The following MLC1 variants were observed in gnomAD, a reference collection of about 807,000 sequenced individuals.
MLC1 encodes the protein membrane protein MLC1.
A neutral mutation model predicts 44.7 loss-of-function variants in MLC1; 32 were observed. The ratio of observed to expected loss-of-function variants is 0.72; its 90% CI spans 0.54 to 0.96. The LOEUF is 0.96. Among genes scored for constraint, MLC1 ranks in the 40% least tolerant of loss-of-function variants. MLC1 has a pLI of 0.00. For missense variants in MLC1, 459 were observed against 492.2 expected, an observed-to-expected ratio of 0.93 and a Z score of 0.64; for synonymous variants, 190 against 213.0, an observed-to-expected ratio of 0.89 and a Z score of 0.94.
intron 3 of MLC1, among the ~76,000 whole-genome samples, chr22:50,081,266 C>A (rs1267228219): frequency 6.6e-6 from 1 of 152,012 alleles, no homozygotes. Context: ...TTGCTTGAAC[C>A]CAGGAGGTGG....
chr22:50,070,501 C>A, intron 9 of MLC1, 26 bp downstream of exon 9: 1 of 1,551,830 alleles, frequency 6.4e-7, no homozygotes, highest in Non-Finnish European at 8.7e-7. Context: ...GGGTCCCTGG[C>A]ACCCAGGGCT....
rs368116122 is a variant in MLC1, at chr22:50,068,571, G to C, written c.772-16C>G. 6.2e-7 allele frequency: 1 copy of C among 1,612,500 alleles called. No homozygotes were observed. Among genetic ancestry groups the C allele is most frequent in the Non-Finnish European group, 8.5e-7 (1 of 1,179,344 alleles). ...GGACCTCCACCTGGAAAAAAAGCGC[G>C]GGTTGCAGGACCACGGCCGGAGCCT... On this transcript the variant is annotated splice_polypyrimidine_tract_variant and intron_variant, in intron 9 of 11. Transcript: ENST00000311597.
chr22:50,061,860 T>TC (rs921289678), intron 11 of MLC1, among the ~76,000 whole-genome samples: 127 of 151,010 alleles, frequency 8.4e-4, no homozygotes, highest in Non-Finnish European at 1.5e-3. Context: ...AACGCCTGCA[T>TC]CCCCCCCCGC....
chr22:50,062,586 G>C (rs1314446154), intron 11 of MLC1, among the ~76,000 whole-genome samples: 2 of 152,396 alleles, frequency 1.3e-5, no homozygotes, highest in African/African-American at 2.4e-5. Flanking sequence ...CCAAGGGCAA[G>C]AGAGCGTCCT....
chr22:50,081,840 C>T lies in MLC1; in HGVS notation c.267+1244G>A, dbSNP rs527306338. ...GCGGGGGTGGGCACTTGCCCATATC[C>T]GGCAGCCGCTGAGGCTGAAGGGGCA... On this transcript the variant is annotated intron_variant, in intron 3 of 11. Coordinates refer to ENST00000311597, the MANE Select transcript of MLC1 (RefSeq NM_015166.4). Among the ~76,000 whole-genome samples the T allele has an allele frequency of 6.6e-5, 10 of 152,354 alleles. No individual in the cohort carries two copies. The East Asian group carries it at 1.5e-3, about 24-fold the overall frequency.
intron 7 of MLC1, 128 bp downstream of exon 7, chr22:50,076,713 C>A: frequency 1.1e-6 from 1 of 910,364 alleles, no homozygotes; most frequent in South Asian, 1.4e-5. Flanking sequence ...ACAGATGAGG[C>A]GCACGCCGCC....
chr22:50,065,047 C>T (rs1453254417), intron 10 of MLC1, among the ~76,000 whole-genome samples: 1 of 152,150 alleles, frequency 6.6e-6, no homozygotes, highest in Non-Finnish European at 1.5e-5. Context: ...GCCTCAACCT[C>T]GCCAGTAGCT....
chr22:50,074,551 G>T, intron 7 of MLC1: 1 of 580,864 alleles, frequency 1.7e-6, no homozygotes, highest in Non-Finnish European at 3.1e-6. Flanking sequence ...GAGTAAAATA[G>T]CCAAAGAGGT....
intron 4 of MLC1, 147 bp from the exon 5 acceptor site, chr22:50,080,166 C>G (rs901656736): frequency 1.8e-6 from 2 of 1,082,888 alleles, no homozygotes; most frequent in East Asian, 2.6e-5. Flanking sequence ...CCGCTCTCCC[C>G]TCTGTGCGGC....
chr22:50,084,915 C>T lies in MLC1; in HGVS notation c.-13G>A, dbSNP rs2062244127. On this transcript the variant is annotated 5_prime_UTR_variant, in exon 2 of 12. Transcript: ENST00000311597. ...GCTCCTGGGTCATGGCACTTGGGGA[C>T]ACCACAGCTGTGCTGAATGTACAGC... 2 of 1,609,900 alleles carry T rather than the reference C, an allele frequency of 1.2e-6. No individual in the cohort carries two copies. Among genetic ancestry groups the T allele is most frequent in the Non-Finnish European group, 1.7e-6 (2 of 1,179,998 alleles).
chr22:50,061,765 T>C, intron 11 of MLC1, 108 bp from the exon 12 acceptor site: 1 of 1,025,070 alleles, frequency 9.8e-7, no homozygotes, highest in Non-Finnish European at 1.5e-6. Flanking sequence ...TCAGAAGTTT[T>C]CTTCGAATGT....
At chr22:50,082,867 G>A (rs949419859) in intron 3 of MLC1, among the ~76,000 whole-genome samples, 1 of 152,126 alleles carries the variant, frequency 6.6e-6, no homozygotes, top group Admixed American at 6.5e-5. Context: ...GTTTGTCCAT[G>A]TTGGTCAGAC....
chr22:50,080,480 G>A (rs761335250), intron 3 of MLC1, 83 bp from the exon 4 acceptor site: 7 of 1,389,626 alleles, frequency 5.0e-6, no homozygotes, highest in Non-Finnish European at 7.0e-6. Flanking sequence ...TGCGCTTCCA[G>A]AAGGATCTGA....
chr22:50,067,404 C>T (rs1361595663), intron 10 of MLC1, among the ~76,000 whole-genome samples: 1 of 142,972 alleles, frequency 7.0e-6, no homozygotes, highest in Non-Finnish European at 1.5e-5. Context: ...TGACTCCATC[C>T]CCCGTCAGGC....
rs11912804 is a variant in MLC1 at position 50,061,094 on chromosome 22, G to T, written c.*489C>A. 2.1e-3 allele frequency: 393 copies of T among 191,612 alleles called. 1 individual carries two copies. Among genetic ancestry groups the T allele is most frequent in the African/African-American group, 8.8e-3 (379 of 43,294 alleles). The allele number at this position is 191,612 out of a possible 1,614,324, so 11.9% of individuals were successfully genotyped here. On this transcript the variant is annotated 3_prime_UTR_variant, in exon 12 of 12. Transcript: ENST00000311597. Reference sequence around the variant, plus strand: ...CCTGAGCCTGGGGCAGGTGCACCTTGCAGGGAAGTGGGTAAGATCCCACTG... The same window carrying T: ...CCTGAGCCTGGGGCAGGTGCACCTTTCAGGGAAGTGGGTAAGATCCCACTG...
At chr22:50,064,604 CAG>C (rs1156923817) in intron 10 of MLC1, among the ~76,000 whole-genome samples, 6 of 150,900 alleles carry the variant, frequency 4.0e-5, no homozygotes, top group African/African-American at 9.7e-5. Context: ...GCGGAGGAGA[CAG>C]GGGGCAGCCG....
rs769587076 is a variant in MLC1, at chr22:50,080,429, C to G, written c.268-32G>C. On this transcript the variant is annotated intron_variant, in intron 3 of 11. Coordinates refer to ENST00000311597, the MANE Select transcript of MLC1 (RefSeq NM_015166.4). ...TGAAACCGGAATCCCATGAGCCTGCCGCTCACCTGAGCAACTGAGACTCTG... is the reference window on the plus strand; with the variant it reads ...TGAAACCGGAATCCCATGAGCCTGCGGCTCACCTGAGCAACTGAGACTCTG... The G allele has an allele frequency of 3.8e-6, 6 of 1,583,848 alleles. No homozygotes were observed. The South Asian group carries it at 5.8e-5, about 15-fold the overall frequency.
chr22:50,078,818 GTCT>G (rs2062045701), intron 5 of MLC1, among the ~76,000 whole-genome samples: 1 of 152,064 alleles, frequency 6.6e-6, no homozygotes, highest in African/African-American at 2.4e-5. Flanking sequence ...CATTAACCTT[GTCT>G]TTTATTTTCT....
Position 50,077,467 on chromosome 22 carries a change from C to T in MLC1, c.459G>A (p.Glu153=). The T allele has an allele frequency of 6.2e-7, 1 of 1,613,942 alleles. No individual in the cohort carries two copies. The highest frequency in any genetic ancestry group is 1.1e-5 in the South Asian group (1 of 91,078). ...TGATCACCGTGGCCGCCATGAGCAG[C>T]TCCAGCAGGAGCAGCAGGATGAGGT... ...NFNLILLLLL[E]LLMAATVIIA... is the part of the protein sequence containing the mutation. Residue 153 remains glutamate (E), a synonymous_variant, in exon 6 of 12, where the codon GAG becomes GAA. Transcript: ENST00000311597.
Sources: allele counts gnomAD v4.1 joint callset (sites outside exome capture counted in the v4.1 genomes callset), GRCh38; gene constraint gnomAD v4.1.1; transcripts MANE v1.5; gene names NCBI Gene and HGNC (gene_info 2026-07-23, HGNC 2026-07-21).